ADGRL1: variants seen among roughly 807,000 people sequenced by gnomAD.
The protein encoded by ADGRL1 is CIRL-1.
In ADGRL1, 31 loss-of-function variants were observed where a neutral mutation model predicts 148.9. The ratio of observed to expected loss-of-function variants is 0.21; its 90% CI spans 0.16 to 0.28. The LOEUF is 0.28. Among genes scored for constraint, ADGRL1 ranks in the 10% least tolerant of loss-of-function variants. The pLI is 1.00. For synonymous variants in ADGRL1, 937 were observed against 900.3 expected (o/e 1.04, Z -0.73); for missense variants, 1,521 against 2,058.8 (o/e 0.74, Z 5.05).
rs1232407668 is a variant in ADGRL1 at position 14,151,026 on chromosome 19, G to A, written c.4257C>T (p.Tyr1419=). 4 of 1,338,126 alleles carry A rather than the reference G, an allele frequency of 3.0e-6. No homozygotes were observed. Among genetic ancestry groups the A allele is most frequent in the South Asian group, 1.2e-5 (1 of 80,246 alleles). The allele number at this position is 1,338,126 out of a possible 1,614,324, so 82.9% of individuals were successfully genotyped here. Residue 1419 remains tyrosine (Y), a synonymous_variant, in exon 23 of 23, where the codon TAC becomes TAT. Transcript: ENST00000361434. ...CCACCAGGGCTGGCGGGCGCGAGGT[G>A]TAGTAGATTTCGGGGGGGCCGGGGG... The part of the protein sequence containing the change: ...PAPPGPPEIY[Y]TSRPPALVAR...
chr19:14,190,451 G>C (rs1355223974), intron 1 of ADGRL1, among the ~76,000 whole-genome samples: 1 of 152,076 alleles, frequency 6.6e-6, no homozygotes, highest in Non-Finnish European at 1.5e-5. Flanking sequence ...TTTTTTTGTG[G>C]AGACAGGGTC....
At chr19:14,177,405 T>G in intron 3 of ADGRL1, 126 bp downstream of exon 3, 1 of 863,836 alleles carries the variant, frequency 1.2e-6, no homozygotes, top group Non-Finnish European at 1.9e-6. Context: ...CCAGCACCTA[T>G]TAAGTGCTCA....
intron 4 of ADGRL1, among the ~76,000 whole-genome samples, chr19:14,167,719 C>T (rs116797092): frequency 0.016 from 2,445 of 152,036 alleles, 67 homozygotes; most frequent in African/African-American, 0.056. Flanking sequence ...GGCAGTTGCA[C>T]CCGGGCCCCA....
At chr19:14,183,212 A>AGCGAGAGAGC (rs1555790225) in intron 2 of ADGRL1, among the ~76,000 whole-genome samples, 2 of 151,050 alleles carry the variant, frequency 1.3e-5, no homozygotes, top group Non-Finnish European at 3.0e-5. Context: ...AGAGAGAGAG[A>AGCGAGAGAGC]GAGAGCGAGA....
Position 14,166,489 on chromosome 19 carries a change from T to C in ADGRL1, c.395-3083A>G, listed in dbSNP as rs78760577. 7.0e-3 allele frequency among the ~76,000 whole-genome samples: 1,062 copies of C among 151,434 alleles called. 12 individuals carry two copies. Among genetic ancestry groups the C allele is most frequent in the African/African-American group, 0.024 (984 of 41,166 alleles). On this transcript the variant is annotated intron_variant, in intron 4 of 22. Transcript: ENST00000361434. ...CCAAAAGGAAAACAATGGTGTCCCC[T>C]CCAGCCCGCCTCCCATGAACCAGAA...
chr19:14,199,456 G>A (rs1185421421), intron 1 of ADGRL1, among the ~76,000 whole-genome samples: 1 of 151,840 alleles, frequency 6.6e-6, no homozygotes, highest in Non-Finnish European at 1.5e-5. Context: ...TTTAGAGACA[G>A]GGTCTTACTC....
In ADGRL1 at chr19:14,148,282, A is replaced by G. The variant is rs1214867061; in HGVS notation, c.*2591T>C. Reference sequence around the variant, plus strand: ...TCCAGCCCCAGCAGGGGGCCCTGCCACACAGCTCTGAGGCCTGGAAGCCAC... The same window carrying G: ...TCCAGCCCCAGCAGGGGGCCCTGCCGCACAGCTCTGAGGCCTGGAAGCCAC... On this transcript the variant is annotated 3_prime_UTR_variant, in exon 23 of 23. Transcript: ENST00000361434. 3 of 152,718 alleles carry G rather than the reference A, an allele frequency of 2.0e-5. No homozygotes were observed. The highest frequency in any genetic ancestry group is 4.4e-5 in the Non-Finnish European group (3 of 68,240). 9.5% of individuals were successfully genotyped at this position (152,718 alleles called of 1,614,324 possible).
At chr19:14,174,858 T>TA (rs1225805518) in intron 3 of ADGRL1, among the ~76,000 whole-genome samples, 1 of 136,772 alleles carries the variant, frequency 7.3e-6, no homozygotes, top group African/African-American at 2.9e-5. Flanking sequence ...TTTTTTTTTT[T>TA]AGAGACAGGG....
Position 14,161,704 on chromosome 19 carries a change from CCAT to C in ADGRL1, c.1196-81_1196-79del. 1 of 1,066,316 alleles carries C rather than the reference CCAT, an allele frequency of 9.4e-7. No homozygotes were observed. The highest frequency in any genetic ancestry group is 1.2e-6 in the Non-Finnish European group (1 of 810,852). 66.1% of individuals were successfully genotyped at this position (1,066,316 alleles called of 1,614,324 possible). On this transcript the variant is annotated intron_variant, in intron 5 of 22. Coordinates refer to ENST00000361434, the MANE Select transcript of ADGRL1 (RefSeq NM_014921.5). The surrounding 1 kb of genome is among the most constrained non-coding windows in gnomAD (Gnocchi z 4.4). ...GTGTGCTTGGGCAGGGGGTCCCAGG[CCAT>C]CTTAGCATCTTCCTCATCTACTGAA...
rs71170598 is a variant in ADGRL1 at position 14,149,922 on chromosome 19, C to CTTTTTTTTTTTTTTTTTTTTT, written c.*950_*951insAAAAAAAAAAAAAAAAAAAAA. Reference sequence around the variant, plus strand: ...CAAGTGATGAGATTTTTTTTCTTTTCTTTTTTTTTTTTTTTGTCTTTTTTT... The same window carrying CTTTTTTTTTTTTTTTTTTTTT: ...CAAGTGATGAGATTTTTTTTCTTTTCTTTTTTTTTTTTTTTTTTTTTTTTTTTTTTTTTTTTGTCTTTTTTT... On this transcript the variant is annotated 3_prime_UTR_variant, in exon 23 of 23. Transcript: ENST00000361434. 1.6e-5 allele frequency: 2 copies of CTTTTTTTTTTTTTTTTTTTTT among 122,724 alleles called. No homozygotes were observed. Among genetic ancestry groups the CTTTTTTTTTTTTTTTTTTTTT allele is most frequent in the Non-Finnish European group, 3.5e-5 (2 of 57,784 alleles). 7.6% of individuals were successfully genotyped at this position (122,724 alleles called of 1,614,324 possible).
intron 12 of ADGRL1, 139 bp downstream of exon 12, chr19:14,158,199 G>C: frequency 8.2e-7 from 1 of 1,215,406 alleles, no homozygotes. Flanking sequence ...TGAGAGCTCT[G>C]GGGACAAATG....
intron 1 of ADGRL1, among the ~76,000 whole-genome samples, chr19:14,191,953 C>G (rs1971971418): frequency 6.6e-6 from 1 of 152,150 alleles, no homozygotes; most frequent in Non-Finnish European, 1.5e-5. Context: ...CTGCCTTGGC[C>G]TCCCAAAGTG....
At chr19:14,181,426 G>A (rs908938947) in intron 2 of ADGRL1, among the ~76,000 whole-genome samples, 1 of 152,172 alleles carries the variant, frequency 6.6e-6, no homozygotes, top group South Asian at 2.1e-4. Context: ...GCATGCTCAA[G>A]TTCGAACAGT....
At chr19:14,167,134 G>A in intron 4 of ADGRL1, 1 of 996,458 alleles carries the variant, frequency 1.0e-6, no homozygotes, top group Non-Finnish European at 1.5e-6. Context: ...TTTCTTTTCT[G>A]GCAACACGCC....
At chr19:14,179,097 T>C (rs1312258982) in intron 2 of ADGRL1, among the ~76,000 whole-genome samples, 3 of 151,710 alleles carry the variant, frequency 2.0e-5, no homozygotes, top group Non-Finnish European at 2.9e-5. Context: ...GGCAGGAGAA[T>C]CACTTGAGCT....
At chr19:14,153,868 G>A (rs571467192) in intron 18 of ADGRL1, among the ~76,000 whole-genome samples, 61 of 151,794 alleles carry the variant, frequency 4.0e-4, no homozygotes, top group Admixed American at 1.5e-3. Context: ...TTGAAGCTGG[G>A]GGGGTGGAGG....
At position 14,158,114 on chromosome 19, in the gene ADGRL1, C is replaced by A; in HGVS notation, c.2365-62G>T. 5 of 1,532,742 alleles carry A rather than the reference C, an allele frequency of 3.3e-6. No homozygotes were observed. In the South Asian group the frequency reaches 4.6e-5, roughly 14 times the overall value. 94.9% of individuals were successfully genotyped at this position (1,532,742 alleles called of 1,614,324 possible). A position where few individuals can be genotyped will look rare whatever the true frequency, so the allele number is the denominator to read the frequency against. On this transcript the variant is annotated intron_variant, in intron 12 of 22. Transcript: ENST00000361434. ...TCAGAACCGGGGAGTCCCATTCCGA[C>A]CCCCCACACCTGGCAACAGGGATGG...
intron 4 of ADGRL1, among the ~76,000 whole-genome samples, chr19:14,168,445 T>C (rs1222310591): frequency 2.6e-5 from 4 of 152,148 alleles, no homozygotes; most frequent in African/African-American, 7.2e-5. Context: ...CGTGTGTGTG[T>C]GTGCGTGTGT....
intron 3 of ADGRL1, among the ~76,000 whole-genome samples, chr19:14,177,032 C>G (rs9783969): frequency 6.8e-4 from 104 of 151,868 alleles, no homozygotes; most frequent in African/African-American, 2.4e-3. Context: ...GAGTTCGAGA[C>G]CTGCCTGGCC....
Sources: gnomAD v4.1 joint callset for allele counts (sites outside exome capture counted in the v4.1 genomes callset) on GRCh38, gnomAD v4.1.1 for gene constraint, Gnocchi (gnomAD v3.1) non-coding constraint, MANE v1.5 for transcripts, NCBI Gene and HGNC (gene_info 2026-07-23, HGNC 2026-07-21) for gene names.